The following HEPH variants were observed in gnomAD, a reference collection of about 807,000 sequenced individuals.
HEPH encodes the protein hephaestin.
Under a neutral mutation model 80.8 loss-of-function variants are expected in HEPH, and 69 were observed. The observed-to-expected ratio is 0.85, with a 90% CI of 0.70 to 1.04. The LOEUF (loss-of-function observed/expected upper bound fraction) is 1.04. Ranked by LOEUF, HEPH falls within the 50% of genes least tolerant of loss-of-function variation. The probability of loss-of-function intolerance (pLI) is 0.00; values close to 1 mark genes in which losing one functional copy is unlikely to be tolerated. For synonymous variants in HEPH, 431 were observed against 322.8 expected (o/e 1.34, Z -3.60); for missense variants, 1,115 against 891.3 (o/e 1.25, Z -3.20).
chrX:66,205,707 T>C (rs1012333973), intron 13 of HEPH, among the ~76,000 whole-genome samples: 2 of 110,125 alleles, frequency 1.8e-5, no homozygotes, highest in Non-Finnish European at 3.8e-5. Context: ...GCAATTCTCC[T>C]GCCTCAGCCT....
intron 15 of HEPH, among the ~76,000 whole-genome samples, chrX:66,253,215 A>G (rs2091062257): frequency 8.9e-6 from 1 of 112,387 alleles, no homozygotes; most frequent in South Asian, 3.7e-4. Context: ...TCCAGAATCC[A>G]TAAGGAACTA....
At chrX:66,232,252 G>A (rs1051881905) in intron 15 of HEPH, among the ~76,000 whole-genome samples, 2 of 110,924 alleles carry the variant, frequency 1.8e-5, no homozygotes, top group Admixed American at 1.9e-4. Context: ...TTTTGGTTGT[G>A]TCTCTGCCCG....
chrX:66,165,433 C>A (rs1003544755), intron 1 of HEPH, among the ~76,000 whole-genome samples: 1 of 111,408 alleles, frequency 9.0e-6, no homozygotes, highest in African/African-American at 3.3e-5. Context: ...GACAGGGCCC[C>A]AAAGATGGCT....
chrX:66,259,837 T>A (rs985001016), intron 18 of HEPH, among the ~76,000 whole-genome samples: 28 of 109,585 alleles, frequency 2.6e-4, no homozygotes, highest in African/African-American at 8.6e-4. Context: ...GCCTCCCGAG[T>A]AGCTGGGACT....
intron 15 of HEPH, among the ~76,000 whole-genome samples, chrX:66,234,820 TG>T (rs1485437417): frequency 9.0e-6 from 1 of 110,650 alleles, no homozygotes; most frequent in Non-Finnish European, 1.9e-5. Context: ...TGTTTTGTTT[TG>T]TATTTTTAGT....
upstream of HEPH, among the ~76,000 whole-genome samples, chrX:66,163,293 G>A (rs1274762365): frequency 9.0e-6 from 1 of 111,171 alleles, no homozygotes; most frequent in Non-Finnish European, 1.9e-5. Flanking sequence ...CTTTCCACCA[G>A]GAATGGGAAT....
chrX:66,200,643 T>C lies in HEPH; in HGVS notation c.1968T>C (p.His656=). The change falls in exon 12 of 21, where the codon CAT becomes CAC. Residue 656 remains histidine (H), a synonymous_variant. Transcript: ENST00000343002. The part of the protein sequence containing the change: ...LLGLGTETDV[H]GVMFQGNTVQ... Reference sequence around the variant, plus strand: ...GCCTGGGCACAGAGACTGATGTGCATGGAGTCATGTTCCAGGGCAACACTG... The same window carrying C: ...GCCTGGGCACAGAGACTGATGTGCACGGAGTCATGTTCCAGGGCAACACTG... 1 of 1,210,759 alleles carries C rather than the reference T, an allele frequency of 8.3e-7. No homozygotes were observed.
Position 66,173,674 on chromosome X carries a change from C to G in HEPH, c.498C>G (p.Thr166=). The part of the protein sequence containing the change: ...PPGGSHIYNW[T]IPEGHAPTDA... ...GGGGCAGCCATATCTACAACTGGAC[C>G]ATTCCAGAAGGCCATGCACCCACCG... is the stretch of plus-strand genomic sequence containing the variant. Residue 166 remains threonine, a synonymous_variant, in exon 4 of 21, where the codon ACC becomes ACG. Transcript: ENST00000343002. 8.3e-7 allele frequency: 1 copy of G among 1,210,592 alleles called. No homozygotes were observed. Among genetic ancestry groups the G allele is most frequent in the Non-Finnish European group, 1.1e-6 (1 of 894,711 alleles).
intron 15 of HEPH, among the ~76,000 whole-genome samples, chrX:66,217,836 G>A (rs1411588510): frequency 1.8e-5 from 2 of 111,562 alleles, no homozygotes; most frequent in Non-Finnish European, 3.8e-5. Flanking sequence ...GTAAAAGGGG[G>A]GAAAAAGATA....
chrX:66,210,398 C>A (rs1282954391), intron 15 of HEPH, among the ~76,000 whole-genome samples: 1 of 111,494 alleles, frequency 9.0e-6, no homozygotes, highest in Non-Finnish European at 1.9e-5. Flanking sequence ...TTAGGCAGAA[C>A]AATTTTAGGT....
Position 66,258,831 on chromosome X carries a change from T to G in HEPH, c.2897-9T>G. On this transcript the variant is annotated splice_polypyrimidine_tract_variant and intron_variant, in intron 17 of 20. Transcript: ENST00000343002. Reference sequence around the variant, plus strand: ...TTTTCTTTTCTTTTCTTTTCTTTTTTTTTGACAGCAATCAATGGGAAACTC... The same window carrying G: ...TTTTCTTTTCTTTTCTTTTCTTTTTGTTTGACAGCAATCAATGGGAAACTC... The G allele has an allele frequency of 8.8e-7, 1 of 1,131,466 alleles. No homozygotes were observed. Among genetic ancestry groups the G allele is most frequent in the Middle Eastern group, 2.4e-4 (1 of 4,113 alleles). 93.2% of individuals were successfully genotyped at this position (1,131,466 alleles called of 1,213,427 possible). A position where few individuals can be genotyped will look rare whatever the true frequency, so the allele number is the denominator to read the frequency against.
At chrX:66,228,859 C>CA (rs942972000) in intron 15 of HEPH, among the ~76,000 whole-genome samples, 1 of 110,326 alleles carries the variant, frequency 9.1e-6, no homozygotes, top group Non-Finnish European at 1.9e-5. Context: ...TGGCCATAGT[C>CA]AAAAAAATAA....
chrX:66,164,952 T>C (rs2086294088), intron 1 of HEPH, among the ~76,000 whole-genome samples: 1 of 112,250 alleles, frequency 8.9e-6, no homozygotes, highest in East Asian at 2.8e-4. Context: ...CAAAAATCTT[T>C]TAGAAATCAT....
chrX:66,165,797 C>T (rs1046659267), intron 1 of HEPH, among the ~76,000 whole-genome samples: 1 of 111,420 alleles, frequency 9.0e-6, no homozygotes, highest in South Asian at 3.8e-4. Context: ...ATTCCTTCTG[C>T]CTTCCTTTTT....
chrX:66,191,412 T>C (rs2087782137), intron 6 of HEPH, among the ~76,000 whole-genome samples: 1 of 112,045 alleles, frequency 8.9e-6, no homozygotes, highest in East Asian at 2.8e-4. Flanking sequence ...TCTCCCTTCA[T>C]CATACCTCAA....
intron 15 of HEPH, among the ~76,000 whole-genome samples, chrX:66,218,970 A>T (rs2089519904): frequency 8.9e-6 from 1 of 111,921 alleles, no homozygotes; most frequent in African/African-American, 3.3e-5. Flanking sequence ...CTTTGGAGGC[A>T]GAAGTTGGGC....
intron 15 of HEPH, among the ~76,000 whole-genome samples, chrX:66,249,685 G>A (rs1358508395): frequency 1.8e-5 from 2 of 111,722 alleles, no homozygotes; most frequent in Admixed American, 9.5e-5. Flanking sequence ...GGAGGTTAGT[G>A]GTACCCAACT....
intron 15 of HEPH, among the ~76,000 whole-genome samples, chrX:66,251,786 T>A (rs1316341009): frequency 1.2e-4 from 13 of 111,752 alleles, no homozygotes; most frequent in Non-Finnish European, 2.3e-4. Flanking sequence ...ACAGTGTGGC[T>A]GTAGCATACT....
At chrX:66,166,815 T>G (rs957121703) in intron 1 of HEPH, among the ~76,000 whole-genome samples, 22 of 112,181 alleles carry the variant, frequency 2.0e-4, no homozygotes, top group African/African-American at 6.8e-4. Context: ...GTGTGCATTT[T>G]CATACCTATG....
Sources: gnomAD v4.1 joint callset for allele counts (sites outside exome capture counted in the v4.1 genomes callset) on GRCh38, gnomAD v4.1.1 for gene constraint, MANE v1.5 for transcripts, NCBI Gene and HGNC (gene_info 2026-07-23, HGNC 2026-07-21) for gene names.